NBEA: variants seen among roughly 807,000 people sequenced by gnomAD.
NBEA encodes the protein neurobeachin, also known as lysosomal-trafficking regulator 2.
In NBEA, 44 loss-of-function variants were observed where a neutral mutation model predicts 343.4. That is an observed-to-expected ratio of 0.13 (90% CI 0.10 to 0.16). NBEA has a LOEUF of 0.16. Among genes scored for constraint, NBEA ranks in the 10% least tolerant of loss-of-function variants. The pLI, the probability that NBEA is intolerant of heterozygous loss-of-function variation, is 1.00. For missense variants in NBEA, 2,555 were observed against 3,631.3 expected (o/e 0.70, Z 7.62); for synonymous variants, 1,175 against 1,238.7 (o/e 0.95, Z 1.08).
chr13:35,152,470 T>A (rs1445515583), intron 18 of NBEA, among the ~76,000 whole-genome samples: 2 of 152,162 alleles, frequency 1.3e-5, no homozygotes, highest in Non-Finnish European at 2.9e-5. Flanking sequence ...TTGCCTTTTT[T>A]TTAACCACCC....
chr13:35,226,092 G>C (rs1390157643), intron 33 of NBEA, among the ~76,000 whole-genome samples: 1 of 152,062 alleles, frequency 6.6e-6, no homozygotes, highest in Non-Finnish European at 1.5e-5. Context: ...GAATATTCTT[G>C]ATAACACCAC....
chr13:35,475,257 A>G, intron 41 of NBEA: 1 of 1,614,034 alleles, frequency 6.2e-7, no homozygotes, highest in Non-Finnish European at 8.5e-7. Flanking sequence ...CACCCAGGCA[A>G]GACTCGTCCC....
rs1415500784 is a variant in NBEA, at chr13:35,159,496, A to C, written c.3325A>C (p.Asn1109His). The C allele has an allele frequency of 1.2e-6, 2 of 1,613,386 alleles. No individual in the cohort carries two copies. Among genetic ancestry groups the C allele is most frequent in the Non-Finnish European group, 1.7e-6 (2 of 1,179,682 alleles). Residue 1109 changes from asparagine to histidine, a missense_variant, in exon 22 of 59, where the codon AAC becomes CAC. By Grantham distance (68) the Asn-to-His change is moderately conservative. Coordinates refer to ENST00000379939, the MANE Select transcript of NBEA (RefSeq NM_001385012.1). ...VYSAAVEKLQNNVHGSVGIIK... is the reference protein window; with the variant it reads ...VYSAAVEKLQHNVHGSVGIIK... ...TAGTGCTGCTGTTGAGAAACTCCAG[A>C]ACAATGTACATGGAAGTGTTGGTAT...
At chr13:35,153,515 T>C (rs559103954) in intron 18 of NBEA, among the ~76,000 whole-genome samples, 7 of 152,344 alleles carry the variant, frequency 4.6e-5, no homozygotes, top group Admixed American at 2.0e-4. Flanking sequence ...AATAAATACA[T>C]GTTGAATTGA....
At chr13:35,499,295 A>G (rs1208894371) in intron 41 of NBEA, among the ~76,000 whole-genome samples, 1 of 152,068 alleles carries the variant, frequency 6.6e-6, no homozygotes, top group Admixed American at 6.6e-5. Flanking sequence ...AGCAGGGATT[A>G]TGTGTTTACA....
chr13:35,447,156 C>G (rs1241371527), intron 39 of NBEA, among the ~76,000 whole-genome samples: 1 of 152,006 alleles, frequency 6.6e-6, no homozygotes, highest in Non-Finnish European at 1.5e-5. Context: ...ATTTCTTTGC[C>G]TTGATCCTGT....
chr13:35,357,257 G>GT (rs1305447067), intron 38 of NBEA, among the ~76,000 whole-genome samples: 2 of 151,792 alleles, frequency 1.3e-5, no homozygotes, highest in Non-Finnish European at 2.9e-5. Flanking sequence ...CTTGTAAGCT[G>GT]TGTAATCTCG....
intron 31 of NBEA, among the ~76,000 whole-genome samples, chr13:35,199,194 T>C (rs1380249895): frequency 1.3e-5 from 2 of 152,172 alleles, no homozygotes; most frequent in Non-Finnish European, 2.9e-5. Context: ...ACTTCCAGGG[T>C]ATTGCTACCA....
At chr13:35,380,150 A>G (rs961403291) in intron 38 of NBEA, among the ~76,000 whole-genome samples, 12 of 151,898 alleles carry the variant, frequency 7.9e-5, no homozygotes, top group Non-Finnish European at 1.5e-5. Flanking sequence ...TCTTGGTAAT[A>G]CTTTGTAGTT....
chr13:35,635,349 A>G (rs765128874), intron 49 of NBEA, among the ~76,000 whole-genome samples: 6 of 152,170 alleles, frequency 3.9e-5, no homozygotes, highest in Non-Finnish European at 5.9e-5. Flanking sequence ...TTGTCTTCAT[A>G]TGGGGGATAT....
At chr13:35,541,730 G>C (rs1340917443) in intron 41 of NBEA, among the ~76,000 whole-genome samples, 1 of 101,772 alleles carries the variant, frequency 9.8e-6, no homozygotes, top group Non-Finnish European at 2.3e-5. Flanking sequence ...GCATGGGTGT[G>C]TGTGTGTGTG....
intron 6 of NBEA, among the ~76,000 whole-genome samples, chr13:35,053,240 C>G (rs1171345322): frequency 3.9e-5 from 6 of 152,088 alleles, no homozygotes; most frequent in Admixed American, 3.3e-4. Flanking sequence ...AAACAAAGGC[C>G]TAAAGGTCTG....
chr13:35,390,108 T>C (rs1458545695), intron 38 of NBEA, among the ~76,000 whole-genome samples: 1 of 151,916 alleles, frequency 6.6e-6, no homozygotes, highest in African/African-American at 2.4e-5. Flanking sequence ...TTGAAACTTA[T>C]AGGCATATTA....
intron 39 of NBEA, among the ~76,000 whole-genome samples, chr13:35,444,778 T>A (rs991774142): frequency 6.6e-6 from 1 of 152,190 alleles, no homozygotes; most frequent in African/African-American, 2.4e-5. Context: ...ACTAAACATA[T>A]TTATATAATT....
intron 1 of NBEA, among the ~76,000 whole-genome samples, chr13:35,018,553 T>C (rs1179185073): frequency 6.6e-6 from 1 of 152,160 alleles, no homozygotes; most frequent in East Asian, 1.9e-4. Flanking sequence ...TCTTTGCCAG[T>C]ATAAATAAAT....
chr13:34,955,781 G>A (rs531238491), intron 1 of NBEA, among the ~76,000 whole-genome samples: 30 of 152,128 alleles, frequency 2.0e-4, no homozygotes, highest in African/African-American at 6.8e-4. Flanking sequence ...CTTGTAGGAG[G>A]GTCAGCCTTT....
intron 38 of NBEA, among the ~76,000 whole-genome samples, chr13:35,428,575 ATCT>A (rs909481280): frequency 1.3e-5 from 2 of 151,800 alleles, no homozygotes; most frequent in African/African-American, 4.8e-5. Context: ...TCTTCTTTAC[ATCT>A]TCTGTTTCTT....
chr13:35,385,673 A>G (rs1396569395), intron 38 of NBEA, among the ~76,000 whole-genome samples: 1 of 152,214 alleles, frequency 6.6e-6, no homozygotes, highest in Non-Finnish European at 1.5e-5. Context: ...GCTGCACTCC[A>G]GCCTAGGTGA....
At chr13:35,004,149 T>G (rs1250092668) in intron 1 of NBEA, among the ~76,000 whole-genome samples, 1 of 152,212 alleles carries the variant, frequency 6.6e-6, no homozygotes, top group Non-Finnish European at 1.5e-5. Flanking sequence ...ATGGTATATG[T>G]GTACCCCATT....
Sources: gnomAD v4.1 joint callset for allele counts (sites outside exome capture counted in the v4.1 genomes callset) on GRCh38, gnomAD v4.1.1 for gene constraint, MANE v1.5 for transcripts, NCBI Gene and HGNC (gene_info 2026-07-23, HGNC 2026-07-21) for gene names.